The following POLR1B variants were observed in gnomAD, a reference collection of about 807,000 sequenced individuals.
POLR1B encodes RNA polymerase I subunit B.
In POLR1B, 30 loss-of-function variants were observed where a neutral mutation model predicts 105.8. That is an observed-to-expected ratio of 0.28 (90% CI 0.21 to 0.38). POLR1B has a LOEUF of 0.38. POLR1B is among the 10% of genes least tolerant of loss of function. The pLI, the probability that POLR1B is intolerant of heterozygous loss-of-function variation, is 1.00. For synonymous variants in POLR1B, 485 were observed against 505.1 expected (o/e 0.96, Z 0.53); for missense variants, 976 against 1,435.8 (o/e 0.68, Z 5.17).
chr2:112,559,573 G>A lies in POLR1B; in HGVS notation c.1611G>A (p.Leu537=), dbSNP rs143474391. The A allele has an allele frequency of 7.4e-6, 12 of 1,613,638 alleles. No individual in the cohort carries two copies. In the African/African-American group the frequency reaches 1.6e-4, roughly 22 times the overall value. The change falls in exon 9 of 15, where the codon TTG becomes TTA. Residue 537 remains leucine (L), a splice_region_variant and synonymous_variant. Transcript: ENST00000263331. ...CTATTCCAGCTTTACTGTGCAACTT[G>A]GGTATGTAGTGTACAGTGATAAACA... The part of the protein sequence containing the change: ...TASIPALLCN[L]GVTPIDGAPH...
chr2:112,574,752 C>T, intron 14 of POLR1B, 95 bp from the exon 15 acceptor site: 1 of 690,618 alleles, frequency 1.4e-6, no homozygotes, highest in Non-Finnish European at 2.2e-6. Flanking sequence ...AAAAGTTTTA[C>T]AAATATCCTT....
intron 4 of POLR1B, among the ~76,000 whole-genome samples, chr2:112,550,322 T>C (rs1222502308): frequency 5.3e-5 from 8 of 152,256 alleles, no homozygotes; most frequent in African/African-American, 1.7e-4. Context: ...CAGCATGTTG[T>C]ATTCTTGAGC....
chr2:112,562,728 C>CT (rs70965010), intron 9 of POLR1B, among the ~76,000 whole-genome samples: 32,167 of 120,572 alleles, frequency 0.27, 4,783 homozygotes, highest in African/African-American at 0.4. Flanking sequence ...TCTTTTTTTT[C>CT]TTTTTTTTTT....
rs1266159146 is a variant in POLR1B, at chr2:112,578,277, G to C, written c.*2548G>C. On this transcript the variant is annotated 3_prime_UTR_variant, in exon 15 of 15. Coordinates refer to ENST00000263331, the MANE Select transcript of POLR1B (RefSeq NM_019014.6). The stretch of plus-strand genomic sequence containing the variant: ...AAAACAGCAACATAAGCAAGATACA[G>C]AGCTGTTCCGTCATCACAGAGCTCT... 6.6e-6 allele frequency among the ~76,000 whole-genome samples: 1 copy of C among 152,060 alleles called. No homozygotes were observed. The highest frequency in any genetic ancestry group is 2.4e-5 in the African/African-American group (1 of 41,380).
chr2:112,556,217 T>C (rs3789724), intron 7 of POLR1B, among the ~76,000 whole-genome samples: 22,491 of 152,212 alleles, frequency 0.15, 2,108 homozygotes, highest in East Asian at 0.32. Flanking sequence ...CAGGCTCTTC[T>C]ACTCAAACTT....
Position 112,542,559 on chromosome 2 carries a change from C to G in POLR1B, c.65C>G (p.Pro22Arg). 6.2e-7 allele frequency: 1 copy of G among 1,614,180 alleles called. No individual in the cohort carries two copies. Among genetic ancestry groups the G allele is most frequent in the Non-Finnish European group, 8.5e-7 (1 of 1,180,046 alleles). The change falls in exon 1 of 15, where the codon CCC (proline) becomes CGC (arginine). Residue 22 changes from proline to arginine, a missense_variant. By Grantham distance (103) the Pro-to-Arg change is moderately radical (BLOSUM62 -2). This residue lies in a region of POLR1B where 452 missense variants were observed against 616.5 expected (regional missense o/e 0.73). Coordinates refer to ENST00000263331, the MANE Select transcript of POLR1B (RefSeq NM_019014.6). ...CCTAGCCTAAAGCACTTGACTGACC[C>G]CTCTTATGGAATCCCGCGGGAACAG... ...SGPSLKHLTD[P>R]SYGIPREQQK... is the part of the protein sequence containing the mutation.
At chr2:112,571,751 G>A (rs2104574829) in intron 12 of POLR1B, among the ~76,000 whole-genome samples, 1 of 152,312 alleles carries the variant, frequency 6.6e-6, no homozygotes, top group Middle Eastern at 3.4e-3. Context: ...CAGTAAGATT[G>A]TGGGTTTCTA....
In POLR1B at chr2:112,568,134, A is replaced by G; in HGVS notation, c.1914A>G (p.Glu638=). Residue 638 remains glutamate, a synonymous_variant, in exon 11 of 15, where the codon GAA becomes GAG. Coordinates refer to ENST00000263331, the MANE Select transcript of POLR1B (RefSeq NM_019014.6). ...AAGAAGAGCTAATTGGAACTATGGA[A>G]CAGGTAAATACATATGTGTGATGGA... is the stretch of plus-strand genomic sequence containing the variant. ...LGKEELIGTM[E]QIFMNVAIFE... is the part of the protein sequence containing the mutation. 1 of 1,612,446 alleles carries G rather than the reference A, an allele frequency of 6.2e-7. No individual in the cohort carries two copies. Among genetic ancestry groups the G allele is most frequent in the East Asian group, 2.2e-5 (1 of 44,844 alleles).
intron 9 of POLR1B, among the ~76,000 whole-genome samples, chr2:112,562,936 T>G (rs1558661303): frequency 6.6e-6 from 1 of 151,588 alleles, no homozygotes; most frequent in Non-Finnish European, 1.5e-5. Flanking sequence ...TCCATGTTGG[T>G]CAGGTTGGTG....
chr2:112,544,005 G>A (rs1682905698), intron 1 of POLR1B, among the ~76,000 whole-genome samples: 1 of 151,574 alleles, frequency 6.6e-6, no homozygotes, highest in Admixed American at 6.6e-5. Flanking sequence ...GGGAGGATAA[G>A]TTGAACCCAG....
Position 112,575,220 on chromosome 2 carries a change from A to T in POLR1B, c.2899A>T (p.Lys967Ter). Reference protein sequence around the residue: ...SALEYFGEMLKAAGYNFYGTE... With the variant: ...SALEYFGEML ...CTTAGAATACTTTGGTGAGATGTTA[A>T]AGGCTGCTGGCTACAATTTCTATGG... The change falls in exon 15 of 15, where the codon AAG becomes TAG. Residue 967 changes from lysine to a stop codon, truncating the protein, a stop_gained. Transcript: ENST00000263331. LOFTEE classifies it high-confidence loss of function. This position sits in a 1 kb window ranked among gnomAD's most constrained non-coding sequence, Gnocchi z 5.3. 1 of 1,614,174 alleles carries T rather than the reference A, an allele frequency of 6.2e-7. No individual in the cohort carries two copies. Among genetic ancestry groups the T allele is most frequent in the Non-Finnish European group, 8.5e-7 (1 of 1,180,026 alleles).
At chr2:112,553,907 G>C (rs538455347) in intron 7 of POLR1B, among the ~76,000 whole-genome samples, 1 of 152,126 alleles carries the variant, frequency 6.6e-6, no homozygotes, top group African/African-American at 2.4e-5. Context: ...GAGAAAGTTG[G>C]CATGGCACAA....
At chr2:112,542,824 G>C (rs747760500) in intron 1 of POLR1B, 153 bp downstream of exon 1, 5 of 895,902 alleles carry the variant, frequency 5.6e-6, no homozygotes, top group Admixed American at 2.9e-5. Context: ...AACAGGACGC[G>C]GTACTGGCCT....
chr2:112,574,006 C>T (rs1684734518), intron 14 of POLR1B, among the ~76,000 whole-genome samples, 191 bp downstream of exon 14: 2 of 152,026 alleles, frequency 1.3e-5, no homozygotes, highest in Admixed American at 1.3e-4. Flanking sequence ...CCACCATGCC[C>T]AGCTAATTTT....
chr2:112,558,225 T>A, intron 8 of POLR1B, 144 bp downstream of exon 8: 3 of 524,948 alleles, frequency 5.7e-6, no homozygotes, highest in South Asian at 2.1e-4. Context: ...ACTATTGGTC[T>A]AAAGGGCTTT....
At chr2:112,552,156 C>T (rs1683407478) in intron 6 of POLR1B, among the ~76,000 whole-genome samples, 158 bp downstream of exon 6, 1 of 152,118 alleles carries the variant, frequency 6.6e-6, no homozygotes, top group African/African-American at 2.4e-5. Context: ...TTTGTTTTTG[C>T]GGCCCTCCTC....
chr2:112,543,842 G>C (rs573842810), intron 1 of POLR1B, among the ~76,000 whole-genome samples: 1 of 152,218 alleles, frequency 6.6e-6, no homozygotes, highest in East Asian at 1.9e-4. Flanking sequence ...CCAGGACTTT[G>C]GGAGGCCAAG....
chr2:112,566,168 A>T (rs1163252192), intron 10 of POLR1B, among the ~76,000 whole-genome samples: 1 of 152,196 alleles, frequency 6.6e-6, no homozygotes, highest in Non-Finnish European at 1.5e-5. Context: ...TTGCTTCCTC[A>T]TGATGAGATT....
chr2:112,567,527 G>A (rs1398444653), intron 10 of POLR1B, among the ~76,000 whole-genome samples: 2 of 151,650 alleles, frequency 1.3e-5, no homozygotes, highest in Non-Finnish European at 1.5e-5. Context: ...CTACAGGCAC[G>A]TACCACCACA....
Sources: gnomAD v4.1 joint callset for allele counts (sites outside exome capture counted in the v4.1 genomes callset) on GRCh38, gnomAD v4.1.1 for gene constraint, gnomAD v4.1.1 regional missense constraint, Gnocchi (gnomAD v3.1) non-coding constraint, MANE v1.5 for transcripts, NCBI Gene and HGNC (gene_info 2026-07-23, HGNC 2026-07-21) for gene names.